The following FRMD5 variants were observed in gnomAD, a reference collection of about 807,000 sequenced individuals.
FRMD5 encodes the protein FERM domain-containing protein 5.
Under a neutral mutation model 69.0 loss-of-function variants are expected in FRMD5, and 20 were observed. The ratio of observed to expected loss-of-function variants is 0.29; its 90% CI spans 0.20 to 0.42. FRMD5 has a LOEUF of 0.42. Ranked by LOEUF, FRMD5 falls within the 10% of genes least tolerant of loss-of-function variation. FRMD5 has a pLI of 1.00. For missense variants in FRMD5, 595 were observed against 708.6 expected (o/e 0.84, Z 1.82); for synonymous variants, 271 against 260.1 (o/e 1.04, Z -0.40).
intron 13 of FRMD5, among the ~76,000 whole-genome samples, chr15:43,881,060 G>A (rs745727791): frequency 6.6e-6 from 1 of 152,184 alleles, no homozygotes; most frequent in African/African-American, 2.4e-5. Context: ...GAGAGCCTCA[G>A]CCCTCCCTCT....
intron 1 of FRMD5, among the ~76,000 whole-genome samples, chr15:44,088,770 T>A (rs1358302919): frequency 6.6e-6 from 1 of 152,196 alleles, no homozygotes; most frequent in African/African-American, 2.4e-5. Flanking sequence ...ACTACTAGTA[T>A]CTTCATTTTA....
intron 1 of FRMD5, among the ~76,000 whole-genome samples, chr15:43,941,134 CAAG>C (rs969237755): frequency 6.6e-6 from 1 of 152,094 alleles, no homozygotes; most frequent in Non-Finnish European, 1.5e-5. Context: ...TTTGGGAGGC[CAAG>C]AAGCGGATTG....
intron 1 of FRMD5, among the ~76,000 whole-genome samples, chr15:43,932,160 G>A (rs2089686517): frequency 6.6e-6 from 1 of 152,166 alleles, no homozygotes; most frequent in African/African-American, 2.4e-5. Context: ...AGCCTCTTGA[G>A]ACCTCTTCTT....
chr15:44,132,513 C>T (rs1281373747), intron 1 of FRMD5, among the ~76,000 whole-genome samples: 1 of 152,116 alleles, frequency 6.6e-6, no homozygotes. Flanking sequence ...ACTGCATCCT[C>T]GACTTCCTGG....
rs371549003 is a variant in FRMD5 at position 44,044,959 on chromosome 15, G to T, written c.103-120650C>A. ...GTTTCCCTAATATGACATGTTCTAT[G>T]TTCATTTCCTTTTTAAGCTTTCTGT... On this transcript the variant is annotated intron_variant, in intron 1 of 13. Transcript: ENST00000417257. Among the ~76,000 whole-genome samples the T allele has an allele frequency of 7.9e-5, 12 of 152,186 alleles. No homozygotes were observed. The East Asian group carries it at 2.1e-3, about 27-fold the overall frequency.
At chr15:44,001,751 C>A (rs1219604829) in intron 1 of FRMD5, among the ~76,000 whole-genome samples, 4 of 151,980 alleles carry the variant, frequency 2.6e-5, no homozygotes, top group Non-Finnish European at 5.9e-5. Flanking sequence ...GGACTACAGG[C>A]ACATGCCACC....
chr15:44,186,523 G>A (rs924661913), intron 1 of FRMD5, among the ~76,000 whole-genome samples: 4 of 152,190 alleles, frequency 2.6e-5, no homozygotes, highest in Non-Finnish European at 5.9e-5. Flanking sequence ...GCTTTTTCCT[G>A]CTACAAGTTC....
At chr15:43,897,268 A>G (rs1229544197) in intron 7 of FRMD5, among the ~76,000 whole-genome samples, 1 of 151,940 alleles carries the variant, frequency 6.6e-6, no homozygotes, top group East Asian at 1.9e-4. Context: ...CGGGCAGATC[A>G]CCTGAGGTCA....
At chr15:44,154,754 A>G (rs533923114) in intron 1 of FRMD5, among the ~76,000 whole-genome samples, 1 of 152,326 alleles carries the variant, frequency 6.6e-6, no homozygotes, top group African/African-American at 2.4e-5. Context: ...CAAAAAGTAG[A>G]TTAGTCATGC....
chr15:43,881,290 T>G (rs189721856), intron 13 of FRMD5, among the ~76,000 whole-genome samples: 1 of 152,182 alleles, frequency 6.6e-6, no homozygotes. Context: ...GAGAAAGTTA[T>G]GTTTCCTCAG....
At chr15:44,015,056 A>G (rs1262872837) in intron 1 of FRMD5, among the ~76,000 whole-genome samples, 1 of 152,124 alleles carries the variant, frequency 6.6e-6, no homozygotes, top group Admixed American at 6.5e-5. Context: ...GAAAAAAACT[A>G]TGCCTAACCT....
At chr15:43,999,953 CAT>C (rs34872140) in intron 1 of FRMD5, among the ~76,000 whole-genome samples, 85 of 82,888 alleles carry the variant, frequency 1.0e-3, no homozygotes, top group African/African-American at 4.7e-3. Flanking sequence ...ATATGCCATG[CAT>C]ATATATATAT....
At chr15:43,905,322 A>G (rs1231063977) in intron 6 of FRMD5, among the ~76,000 whole-genome samples, 2 of 151,868 alleles carry the variant, frequency 1.3e-5, no homozygotes, top group Non-Finnish European at 2.9e-5. Flanking sequence ...TTTTTAGTAG[A>G]GATGGGTTTT....
At chr15:44,195,684 C>T (rs571801831), upstream of FRMD5, among the ~76,000 whole-genome samples, 11 of 152,374 alleles carry the variant, frequency 7.2e-5, no homozygotes, top group African/African-American at 2.6e-4. Context: ...GATCACAGTC[C>T]CTGCACCTGC....
At chr15:44,045,816 C>G (rs1462801966) in intron 1 of FRMD5, among the ~76,000 whole-genome samples, 1 of 152,138 alleles carries the variant, frequency 6.6e-6, no homozygotes, top group Non-Finnish European at 1.5e-5. Context: ...AATATGAGAA[C>G]AGCTGACTTT....
chr15:44,190,062 G>T (rs1487637160), intron 1 of FRMD5, among the ~76,000 whole-genome samples: 1 of 152,202 alleles, frequency 6.6e-6, no homozygotes, highest in Non-Finnish European at 1.5e-5. Context: ...CAGGAAAGCA[G>T]CACTGTCCTT....
At chr15:43,899,866 G>A (rs1595496625) in intron 7 of FRMD5, among the ~76,000 whole-genome samples, 1 of 152,196 alleles carries the variant, frequency 6.6e-6, no homozygotes, top group Non-Finnish European at 1.5e-5. Flanking sequence ...AACCAGGCTG[G>A]CTGCCACTAC....
chr15:43,881,240 G>A (rs552984090), intron 13 of FRMD5, among the ~76,000 whole-genome samples: 7 of 152,276 alleles, frequency 4.6e-5, no homozygotes, highest in African/African-American at 1.7e-4. Flanking sequence ...GGACCCTCTA[G>A]CTTCAGCCTC....
Position 43,909,953 on chromosome 15 carries a change from C to G in FRMD5, c.356G>C (p.Arg119Thr). The G allele has an allele frequency of 6.2e-7, 1 of 1,610,344 alleles. No homozygotes were observed. Among genetic ancestry groups the G allele is most frequent in the Non-Finnish European group, 8.5e-7 (1 of 1,176,890 alleles). The part of the protein sequence containing the change: ...TRYLVFLQIK[R>T]DLYHGRLLCK... ...GAGGAGTCGGCCATGGTAGAGATCCCTTTTGATCTGCAGGAAGACTAAATA... is the reference window on the plus strand; with the variant it reads ...GAGGAGTCGGCCATGGTAGAGATCCGTTTTGATCTGCAGGAAGACTAAATA... The change falls in exon 5 of 14, where the codon AGG becomes ACG. Residue 119 changes from arginine (R) to threonine (T), a missense_variant. Physicochemically the swap from Arg to Thr is moderately conservative, Grantham distance 71 (BLOSUM62 -1). This residue lies in a region of FRMD5 where 79 missense variants were observed against 139.9 expected (regional missense o/e 0.56). Coordinates refer to ENST00000417257, the MANE Select transcript of FRMD5 (RefSeq NM_032892.5).
Sources: allele counts gnomAD v4.1 joint callset (sites outside exome capture counted in the v4.1 genomes callset), GRCh38; gene constraint gnomAD v4.1.1; regional missense constraint gnomAD v4.1.1; transcripts MANE v1.5; gene names NCBI Gene and HGNC (gene_info 2026-07-23, HGNC 2026-07-21).